DMXL1: variants seen among roughly 807,000 people sequenced by gnomAD.
The protein encoded by DMXL1 is dmX-like protein 1.
A neutral mutation model predicts 319.2 loss-of-function variants in DMXL1; 99 were observed. That is an observed-to-expected ratio of 0.31 (90% CI 0.26 to 0.37). The LOEUF is 0.37. Ranked by LOEUF, DMXL1 falls within the 10% of genes least tolerant of loss-of-function variation. The pLI is 1.00. For missense variants in DMXL1, 3,745 were observed against 3,595.6 expected (o/e 1.04, Z -1.06); for synonymous variants, 1,385 against 1,235.2 (o/e 1.12, Z -2.54).
intron 23 of DMXL1, among the ~76,000 whole-genome samples, chr5:119,168,722 A>T (rs1040807687): frequency 3.5e-5 from 5 of 142,404 alleles, no homozygotes; most frequent in African/African-American, 1.0e-4. Context: ...GTTTTTATTT[A>T]AAAAAAAAAA....
chr5:119,167,070 T>G (rs899220010), intron 22 of DMXL1, among the ~76,000 whole-genome samples: 10 of 152,152 alleles, frequency 6.6e-5, no homozygotes, highest in African/African-American at 2.2e-4. Context: ...CCTACCAGTT[T>G]AAACATATTT....
rs796833294 is a variant in DMXL1, at chr5:119,237,183, A to ATGTATAGG, written c.8467-136_8467-129dup. 4.6e-4 allele frequency: 219 copies of ATGTATAGG among 477,348 alleles called. 2 individuals are homozygous for ATGTATAGG. The highest frequency in any genetic ancestry group is 3.9e-3 in the African/African-American group (196 of 50,740). 29.6% of individuals were successfully genotyped at this position (477,348 alleles called of 1,614,324 possible). On this transcript the variant is annotated intron_variant, in intron 39 of 43. Transcript: ENST00000539542. ...CTGAATGTTTTTCTGAAATAGATCC[A>ATGTATAGG]TGTATAGGTGAAGTGAAAAATCACA...
At position 119,071,265 on chromosome 5, in the gene DMXL1, G is replaced by C; in HGVS notation, c.-305G>C. 2.7e-6 allele frequency: 1 copy of C among 377,006 alleles called. No individual in the cohort carries two copies. Among genetic ancestry groups the C allele is most frequent in the Non-Finnish European group, 4.9e-6 (1 of 205,972 alleles). 23.4% of individuals were successfully genotyped at this position (377,006 alleles called of 1,614,324 possible). A position where few individuals can be genotyped will look rare whatever the true frequency, so the allele number is the denominator to read the frequency against. On this transcript the variant is annotated 5_prime_UTR_variant, in exon 1 of 44. Coordinates refer to ENST00000539542, the MANE Select transcript of DMXL1 (RefSeq NM_001290321.3). ...GCGCGGCCTTCCTGGCCGGTGAGTCGGCCCCGGGTCGTGGCCGGTGAGGGG... is the reference window on the plus strand; with the variant it reads ...GCGCGGCCTTCCTGGCCGGTGAGTCCGCCCCGGGTCGTGGCCGGTGAGGGG...
chr5:119,218,206 G>A (rs1238049362), intron 35 of DMXL1, among the ~76,000 whole-genome samples: 1 of 151,806 alleles, frequency 6.6e-6, no homozygotes, highest in Non-Finnish European at 1.5e-5. Context: ...GTGAGACCCT[G>A]TCTCTACAAA....
chr5:119,190,364 A>G (rs1271596826), intron 29 of DMXL1, among the ~76,000 whole-genome samples: 1 of 152,234 alleles, frequency 6.6e-6, no homozygotes. Flanking sequence ...AAATATGAGT[A>G]AACTTCCCTG....
intron 10 of DMXL1, among the ~76,000 whole-genome samples, chr5:119,132,256 A>G (rs1003366772): frequency 1.3e-5 from 2 of 152,214 alleles, no homozygotes; most frequent in African/African-American, 2.4e-5. Context: ...TTATTATTAT[A>G]AGGTGGCGAA....
chr5:119,203,166 C>A (rs1455474574), intron 32 of DMXL1, among the ~76,000 whole-genome samples, 153 bp from the exon 33 acceptor site: 4 of 151,874 alleles, frequency 2.6e-5, no homozygotes, highest in Non-Finnish European at 4.4e-5. Flanking sequence ...TTAAGGAAAT[C>A]CTTTAAGGAA....
At chr5:119,083,447 A>T (rs1752662704) in intron 1 of DMXL1, among the ~76,000 whole-genome samples, 1 of 152,174 alleles carries the variant, frequency 6.6e-6, no homozygotes, top group African/African-American at 2.4e-5. Flanking sequence ...CTGCAAAAAC[A>T]TGGGCACATA....
chr5:119,122,256 G>T (rs1256440853), intron 9 of DMXL1, among the ~76,000 whole-genome samples: 1 of 145,700 alleles, frequency 6.9e-6, no homozygotes, highest in Non-Finnish European at 1.5e-5. Flanking sequence ...GGCTGGCTGG[G>T]CGGGGGGCCG....
chr5:119,246,938 T>C, intron 43 of DMXL1, 57 bp from the exon 44 acceptor site: 1 of 1,369,236 alleles, frequency 7.3e-7, no homozygotes, highest in Non-Finnish European at 1.0e-6. Flanking sequence ...TGGCCTCATT[T>C]GATTTCTTAA....
At chr5:119,089,323 T>TTTTTTTTTTTTTA in intron 1 of DMXL1, among the ~76,000 whole-genome samples, 1 of 119,242 alleles carries the variant, frequency 8.4e-6, no homozygotes, top group Non-Finnish European at 1.7e-5. Flanking sequence ...TTTTTTTTTT[T>TTTTTTTTTTTTTA]GAGACAGAGT....
chr5:119,241,567 G>C (rs1250853883), intron 42 of DMXL1, among the ~76,000 whole-genome samples: 1 of 150,170 alleles, frequency 6.7e-6, no homozygotes, highest in Non-Finnish European at 1.5e-5. Flanking sequence ...TGAATTATCT[G>C]TCTGAAATGG....
chr5:119,179,179 G>T (rs1455015905), intron 28 of DMXL1, among the ~76,000 whole-genome samples: 1 of 151,720 alleles, frequency 6.6e-6, no homozygotes, highest in Non-Finnish European at 1.5e-5. Context: ...ATTAGCCCAT[G>T]TGTGATAATC....
chr5:119,238,519 AAT>A (rs1425412478), intron 40 of DMXL1, among the ~76,000 whole-genome samples: 1 of 152,126 alleles, frequency 6.6e-6, no homozygotes, highest in Non-Finnish European at 1.5e-5. Context: ...ATTTTTGAAA[AAT>A]ATATGTCAAT....
Position 119,133,511 on chromosome 5 carries a change from A to C in DMXL1, c.1587A>C (p.Arg529Ser). ...GATTCTAGGTGTCCTTTGTTTCCAG[A>C]ATTCCAGTAGCTTTCCCCACAGGTG... Reference protein sequence around the residue: ...FRQVQVSFVSRIPVAFPTGDA... With the variant: ...FRQVQVSFVSSIPVAFPTGDA... Residue 529 changes from arginine (R) to serine (S), a missense_variant, in exon 12 of 44, where the codon AGA becomes AGC. Coordinates refer to ENST00000539542, the MANE Select transcript of DMXL1 (RefSeq NM_001290321.3). 2 of 1,606,262 alleles carry C rather than the reference A, an allele frequency of 1.2e-6. No homozygotes were observed. The highest frequency in any genetic ancestry group is 1.7e-6 in the Non-Finnish European group (2 of 1,177,252).
chr5:119,084,507 T>C (rs541771729), intron 1 of DMXL1, among the ~76,000 whole-genome samples: 1 of 152,350 alleles, frequency 6.6e-6, no homozygotes, highest in African/African-American at 2.4e-5. Context: ...GTCATTTTTT[T>C]CTATTTCTTT....
chr5:119,138,431 A>C (rs777984627), intron 13 of DMXL1, among the ~76,000 whole-genome samples: 1 of 152,188 alleles, frequency 6.6e-6, no homozygotes, highest in Non-Finnish European at 1.5e-5. Context: ...ATAGTAGGTT[A>C]GTATCTGGAG....
chr5:119,181,273 A>T (rs1477528588), intron 28 of DMXL1, among the ~76,000 whole-genome samples: 1 of 152,206 alleles, frequency 6.6e-6, no homozygotes, highest in Non-Finnish European at 1.5e-5. Context: ...ACCTCAGCCA[A>T]TAATAAGGAA....
intron 33 of DMXL1, 46 bp from the exon 34 acceptor site, chr5:119,206,788 A>G (rs1463327282): frequency 8.4e-7 from 1 of 1,193,550 alleles, no homozygotes; most frequent in South Asian, 1.4e-5. Flanking sequence ...TGCATGTTAC[A>G]TCTCATCTTT....
Sources: gnomAD v4.1 joint callset for allele counts (sites outside exome capture counted in the v4.1 genomes callset) on GRCh38, gnomAD v4.1.1 for gene constraint, MANE v1.5 for transcripts, NCBI Gene and HGNC (gene_info 2026-07-23, HGNC 2026-07-21) for gene names.